The following ZNF292 variants were observed in gnomAD, a reference collection of about 807,000 sequenced individuals.
ZNF292 encodes the protein zinc finger protein 292, also known as 16 zinc-finger domain protein.
A neutral mutation model predicts 217.9 loss-of-function variants in ZNF292; 26 were observed. The ratio of observed to expected loss-of-function variants is 0.12; its 90% CI spans 0.09 to 0.17. ZNF292 has a LOEUF of 0.17. ZNF292 is among the 10% of genes least tolerant of loss of function. ZNF292 has a pLI of 1.00. For missense variants in ZNF292, 2,904 were observed against 3,175.2 expected (o/e 0.91, Z 2.05); for synonymous variants, 1,257 against 1,124.1 (o/e 1.12, Z -2.37).
intron 7 of ZNF292, among the ~76,000 whole-genome samples, chr6:87,253,997 C>T (rs915876518): frequency 2.6e-5 from 4 of 152,104 alleles, no homozygotes; most frequent in Non-Finnish European, 4.4e-5. Context: ...CTATGTCTAC[C>T]CCTACTCCTA....
At chr6:87,231,377 A>G (rs77436315) in intron 4 of ZNF292, among the ~76,000 whole-genome samples, 1 of 152,312 alleles carries the variant, frequency 6.6e-6, no homozygotes, top group Non-Finnish European at 1.5e-5. Context: ...TAGAAGTCAG[A>G]AGACTCATTC....
At chr6:87,218,475 A>G in intron 3 of ZNF292, 121 bp from the exon 4 acceptor site, 1 of 664,164 alleles carries the variant, frequency 1.5e-6, no homozygotes, top group African/African-American at 1.9e-5. Context: ...GTACTTTGTA[A>G]TGTGATGTGA....
chr6:87,223,309 C>T (rs969514809), intron 4 of ZNF292: 1 of 152,862 alleles, frequency 6.5e-6, no homozygotes, highest in Non-Finnish European at 1.5e-5. Flanking sequence ...GGTCTCGAGT[C>T]CCTGACCTCA....
At chr6:87,190,600 C>T (rs546672888) in intron 1 of ZNF292, among the ~76,000 whole-genome samples, 2 of 151,926 alleles carry the variant, frequency 1.3e-5, no homozygotes, top group African/African-American at 4.8e-5. Flanking sequence ...CAGCCTCTTG[C>T]GTAGCTGGGA....
At chr6:87,211,923 A>G (rs1010437055) in intron 1 of ZNF292, among the ~76,000 whole-genome samples, 1 of 152,196 alleles carries the variant, frequency 6.6e-6, no homozygotes, top group South Asian at 2.1e-4. Context: ...ATATATGTGT[A>G]TAGACATTCA....
chr6:87,178,672 T>G (rs1004759168), intron 1 of ZNF292, among the ~76,000 whole-genome samples: 2 of 152,224 alleles, frequency 1.3e-5, no homozygotes, highest in African/African-American at 2.4e-5. Context: ...TGTTTATTTA[T>G]GAGACCACTA....
intron 7 of ZNF292, chr6:87,249,402 A>T: frequency 2.4e-6 from 1 of 408,594 alleles, no homozygotes; most frequent in Non-Finnish European, 4.9e-6. Flanking sequence ...TGGTGGGATT[A>T]CAGGTATGAG....
intron 2 of ZNF292, 39 bp downstream of exon 2, chr6:87,216,096 TAA>T (rs750973786): frequency 7.2e-7 from 1 of 1,393,320 alleles, no homozygotes; most frequent in Non-Finnish European, 9.7e-7. Flanking sequence ...GATTTAGCTT[TAA>T]AAATACATAG....
Position 87,265,147 on chromosome 6 carries a change from C to G in ZNF292, c.*3346C>G, listed in dbSNP as rs1253626394. Among the ~76,000 whole-genome samples, 1 of 152,022 alleles carries G rather than the reference C, an allele frequency of 6.6e-6. No homozygotes were observed. The highest frequency in any genetic ancestry group is 1.5e-5 in the Non-Finnish European group (1 of 68,026). The stretch of plus-strand genomic sequence containing the variant: ...TTTTTTTTGGAGACAGAGTCTCGCT[C>G]TGTTGCCCAGGCTGGAGTGCAGTGT... On this transcript the variant is annotated 3_prime_UTR_variant, in exon 8 of 8. Transcript: ENST00000369577.
chr6:87,177,457 A>G (rs1450107358), intron 1 of ZNF292, among the ~76,000 whole-genome samples: 2 of 151,966 alleles, frequency 1.3e-5, no homozygotes, highest in African/African-American at 2.4e-5. Flanking sequence ...CTTAAATTTG[A>G]TATGTCATTA....
At position 87,239,655 on chromosome 6, in the gene ZNF292, G is replaced by A. The variant is rs1241699105; in HGVS notation, c.742-3820G>A. Among the ~76,000 whole-genome samples the A allele has an allele frequency of 1.0e-3, 123 of 122,994 alleles. 1 individual carries two copies. The highest frequency in any genetic ancestry group is 4.4e-3 in the African/African-American group (113 of 25,946). The allele number at this position is 122,994 out of a possible 152,430, so 80.7% of individuals were successfully genotyped here. A position where few individuals can be genotyped will look rare whatever the true frequency, so the allele number is the denominator to read the frequency against. ...GACGGGGCGGCTGCCGGGCGGAGGG[G>A]CTCCTCACTTCTCAGACGGGGCGGC... On this transcript the variant is annotated intron_variant, in intron 5 of 7. Coordinates refer to ENST00000369577, the MANE Select transcript of ZNF292 (RefSeq NM_015021.3).
chr6:87,174,245 T>C (rs1771205251), intron 1 of ZNF292: 1 of 153,142 alleles, frequency 6.5e-6, no homozygotes, highest in South Asian at 2.0e-4. Flanking sequence ...AGGAAGGACA[T>C]GTTCAGCCTG....
At chr6:87,165,435 G>A (rs80065331) in intron 1 of ZNF292, among the ~76,000 whole-genome samples, 3,528 of 152,210 alleles carry the variant, frequency 0.023, 130 homozygotes, top group African/African-American at 0.081. Flanking sequence ...TACTCACCCG[G>A]GAGTAAGATA....
At chr6:87,163,680 G>A (rs1013639835) in intron 1 of ZNF292, among the ~76,000 whole-genome samples, 10 of 152,120 alleles carry the variant, frequency 6.6e-5, no homozygotes, top group African/African-American at 2.4e-4. Flanking sequence ...CATGGATTAA[G>A]AGAAGTAGAG....
In ZNF292 at chr6:87,257,868, A is replaced by G. The variant is rs749666928; in HGVS notation, c.4239A>G (p.Leu1413=). 1.9e-6 allele frequency: 3 copies of G among 1,613,914 alleles called. No individual in the cohort carries two copies. Among genetic ancestry groups the G allele is most frequent in the Non-Finnish European group, 2.5e-6 (3 of 1,179,824 alleles). ...LDGAEIAQEL[L]QSNGQPSLLA... is the part of the protein sequence containing the mutation. Reference sequence around the variant, plus strand: ...GAGCCGAAATTGCTCAAGAACTTCTACAGAGTAATGGACAGCCTTCTCTTC... The same window carrying G: ...GAGCCGAAATTGCTCAAGAACTTCTGCAGAGTAATGGACAGCCTTCTCTTC... The change falls in exon 8 of 8, where the codon CTA becomes CTG. Residue 1413 remains leucine, a synonymous_variant. Coordinates refer to ENST00000369577, the MANE Select transcript of ZNF292 (RefSeq NM_015021.3).
intron 1 of ZNF292, among the ~76,000 whole-genome samples, chr6:87,195,659 GA>G (rs1262792541): frequency 6.6e-6 from 1 of 152,054 alleles, no homozygotes; most frequent in Non-Finnish European, 1.5e-5. Context: ...TTGGGAAATG[GA>G]AAAGAATTAA....
chr6:87,163,349 G>T (rs1290131422), intron 1 of ZNF292, among the ~76,000 whole-genome samples: 1 of 151,986 alleles, frequency 6.6e-6, no homozygotes, highest in Non-Finnish European at 1.5e-5. Flanking sequence ...TACTCAGGAG[G>T]CTGAGGCAGG....
At chr6:87,223,582 T>C (rs1455464317) in intron 4 of ZNF292, 1 of 152,272 alleles carries the variant, frequency 6.6e-6, no homozygotes, top group Non-Finnish European at 1.5e-5. Context: ...TCTGGAATTC[T>C]ACACAGGAGA....
At chr6:87,164,591 A>G (rs563131320) in intron 1 of ZNF292, among the ~76,000 whole-genome samples, 2 of 151,992 alleles carry the variant, frequency 1.3e-5, no homozygotes, top group Admixed American at 6.5e-5. Flanking sequence ...TTTCCTTTCA[A>G]TAGCACTGCT....
Sources: allele counts gnomAD v4.1 joint callset (sites outside exome capture counted in the v4.1 genomes callset), GRCh38; gene constraint gnomAD v4.1.1; transcripts MANE v1.5; gene names NCBI Gene and HGNC (gene_info 2026-07-23, HGNC 2026-07-21).